ZNF48: variants seen among roughly 807,000 people sequenced by gnomAD.
ZNF48 encodes zinc finger protein 48.
In ZNF48, 20 loss-of-function variants were observed where a neutral mutation model predicts 40.0. The ratio of observed to expected loss-of-function variants is 0.50; its 90% CI spans 0.35 to 0.73. The LOEUF (loss-of-function observed/expected upper bound fraction) is 0.73. ZNF48 is among the 30% of genes least tolerant of loss of function. The pLI is 0.01. For synonymous variants in ZNF48, 298 were observed against 329.7 expected (o/e 0.90, Z 1.04); for missense variants, 726 against 851.9 (o/e 0.85, Z 1.84).
chr16:30,379,854 G>A (rs1023471884), intron 1 of ZNF48: 12 of 794,936 alleles, frequency 1.5e-5, no homozygotes, highest in African/African-American at 5.1e-5. Flanking sequence ...GGATCCTCCC[G>A]TCTCAGCCTC....
In ZNF48 at chr16:30,382,791, T is replaced by G; in HGVS notation, c.-16+4381T>G. On this transcript the variant is annotated intron_variant, in intron 1 of 2. Coordinates refer to the ZNF48 transcript ENST00000528032. The surrounding 1 kb of genome is among the most constrained non-coding windows in gnomAD (Gnocchi z 4.8). ...TCCAAGTCCCACTGTAGCTCCATCA[T>G]CGTGGTGAGACATGGGGTATGTGCA... 1 of 1,535,642 alleles carries G rather than the reference T, an allele frequency of 6.5e-7. No individual in the cohort carries two copies. Among genetic ancestry groups the G allele is most frequent in the South Asian group, 1.2e-5 (1 of 84,056 alleles).
upstream of ZNF48, chr16:30,394,416 C>G (rs1297240208): frequency 1.3e-5 from 2 of 152,206 alleles, no homozygotes; most frequent in African/African-American, 4.8e-5. Context: ...GCCCAGAGAG[C>G]GGATACTGGG....
At chr16:30,386,488 C>A (rs2049901389) in intron 1 of ZNF48, among the ~76,000 whole-genome samples, 1 of 151,874 alleles carries the variant, frequency 6.6e-6, no homozygotes, top group South Asian at 2.1e-4. Flanking sequence ...GCCTGGGGAA[C>A]ATGGTGAAAC....
chr16:30,393,055 A>G (rs1216969800), upstream of ZNF48, among the ~76,000 whole-genome samples: 5 of 151,612 alleles, frequency 3.3e-5, no homozygotes, highest in African/African-American at 1.2e-4. Flanking sequence ...CTCCCACACT[A>G]TCGTGAATTG....
upstream of ZNF48, among the ~76,000 whole-genome samples, chr16:30,393,693 A>G (rs1418627943): frequency 6.6e-6 from 1 of 151,174 alleles, no homozygotes; most frequent in Non-Finnish European, 1.5e-5. Context: ...CCGGGTCCAT[A>G]TAACTACCTT....
chr16:30,391,884 C>T (rs2049944891), upstream of ZNF48, among the ~76,000 whole-genome samples: 1 of 150,542 alleles, frequency 6.6e-6, no homozygotes, highest in South Asian at 2.1e-4. Context: ...GTCACCCAGG[C>T]TGGAGTGCAG....
intron 1 of ZNF48, among the ~76,000 whole-genome samples, chr16:30,385,544 G>C (rs898570407): frequency 6.7e-6 from 1 of 148,160 alleles, no homozygotes; most frequent in African/African-American, 2.5e-5. Context: ...AGAATCACTT[G>C]AACCCAGGAG....
chr16:30,390,106 C>A (rs988026075), intron 1 of ZNF48, among the ~76,000 whole-genome samples: 1 of 151,916 alleles, frequency 6.6e-6, no homozygotes. Context: ...CAGGTGTAAG[C>A]CACTATGCCC....
chr16:30,380,494 G>A (rs1055575446), intron 1 of ZNF48: 2 of 157,286 alleles, frequency 1.3e-5, no homozygotes, highest in African/African-American at 4.8e-5. Context: ...TAGAGATGGG[G>A]TTTTACCATG....
chr16:30,398,032 C>T lies in ZNF48; in HGVS notation c.782C>T (p.Ala261Val). Residue 261 changes from alanine to valine, a missense_variant, in exon 3 of 3, where the codon GCC becomes GTC. Transcript: ENST00000613509. The surrounding 1 kb of genome is among the most constrained non-coding windows in gnomAD (Gnocchi z 6.6). ...CCCCGACGGCAGCCATCTCGGGCAG[C>T]CACGGCAGCTACCCAGGGACCGAAG... ...VVPRRQPSRAATAATQGPKAQ... is the reference protein window; with the variant it reads ...VVPRRQPSRAVTAATQGPKAQ... 6.2e-7 allele frequency: 1 copy of T among 1,612,166 alleles called. No individual in the cohort carries two copies. The highest frequency in any genetic ancestry group is 8.5e-7 in the Non-Finnish European group (1 of 1,179,016).
intron 1 of ZNF48, chr16:30,379,321 C>A: frequency 7.0e-7 from 1 of 1,429,066 alleles, no homozygotes; most frequent in Non-Finnish European, 9.7e-7. Context: ...ACCCCCCTTT[C>A]CTCCTAGGAT....
At chr16:30,390,089 A>G (rs1286305239) in intron 1 of ZNF48, among the ~76,000 whole-genome samples, 3 of 151,778 alleles carry the variant, frequency 2.0e-5, no homozygotes, top group African/African-American at 7.3e-5. Context: ...CCAAAGCACT[A>G]GGATTCCAGG....
intron 1 of ZNF48, among the ~76,000 whole-genome samples, chr16:30,384,739 A>G (rs1295606475): frequency 6.6e-6 from 1 of 151,294 alleles, no homozygotes; most frequent in African/African-American, 2.4e-5. Context: ...TTAGCCAGGC[A>G]TGGTGGTGCA....
intron 1 of ZNF48, chr16:30,379,534 C>A: frequency 1.9e-6 from 3 of 1,612,792 alleles, no homozygotes; most frequent in Middle Eastern, 1.7e-4. Context: ...GGGATGCTTT[C>A]CTGGAGGGCA....
Position 30,398,303 on chromosome 16 carries a change from C to T in ZNF48, c.1053C>T (p.Arg351=), listed in dbSNP as rs773448889. ...ADSSARVKHL[R]THSGERPHAC... ...GCTCCGCCCGAGTCAAACACCTCCG[C>T]ACCCACAGTGGCGAGAGGCCCCATG... The change falls in exon 3 of 3, where the codon CGC becomes CGT. Residue 351 remains arginine (R), a synonymous_variant. Coordinates refer to ENST00000613509, the MANE Select transcript of ZNF48 (RefSeq NM_001214909.2). The surrounding 1 kb of genome is among the most constrained non-coding windows in gnomAD (Gnocchi z 6.6). The T allele has an allele frequency of 3.7e-6, 6 of 1,613,524 alleles. No homozygotes were observed. Among genetic ancestry groups the T allele is most frequent in the South Asian group, 3.3e-5 (3 of 91,088 alleles).
chr16:30,386,075 A>G (rs2049898451), intron 1 of ZNF48, among the ~76,000 whole-genome samples: 1 of 151,906 alleles, frequency 6.6e-6, no homozygotes, highest in Admixed American at 6.6e-5. Context: ...CAGGAGTTTG[A>G]GACCAGCCTG....
At position 30,381,341 on chromosome 16, in the gene ZNF48, C is replaced by A; in HGVS notation, c.-16+2931C>A. ...CCCCCAGGATCCCCCCACCAGACCC[C>A]CGGCCGAAGGGTGAGATGAAGTAGA... On this transcript the variant is annotated intron_variant, in intron 1 of 2. Transcript: ENST00000528032. This position sits in a 1 kb window ranked among gnomAD's most constrained non-coding sequence, Gnocchi z 4.3. The A allele has an allele frequency of 1.2e-6, 2 of 1,613,364 alleles. No homozygotes were observed. The highest frequency in any genetic ancestry group is 1.7e-6 in the Non-Finnish European group (2 of 1,179,674).
At chr16:30,379,273 G>C in intron 1 of ZNF48, 1 of 1,539,600 alleles carries the variant, frequency 6.5e-7, no homozygotes, top group Non-Finnish European at 8.9e-7. Context: ...AAGTCCTGCT[G>C]CCACTCTAGC....
intron 1 of ZNF48, among the ~76,000 whole-genome samples, chr16:30,383,536 G>A (rs2049876042): frequency 6.6e-6 from 1 of 152,222 alleles, no homozygotes; most frequent in African/African-American, 2.4e-5. Context: ...CAGAAGCCAT[G>A]ATGGGATTGG....
Sources: allele counts gnomAD v4.1 joint callset (sites outside exome capture counted in the v4.1 genomes callset), GRCh38; gene constraint gnomAD v4.1.1; non-coding constraint Gnocchi (gnomAD v3.1); transcripts MANE v1.5; gene names NCBI Gene and HGNC (gene_info 2026-07-23, HGNC 2026-07-21).